PLEKHA7: variants seen among roughly 807,000 people sequenced by gnomAD.
The protein encoded by PLEKHA7 is pleckstrin homology domain containing A7, also known as pleckstrin homology domain-containing family A member 7.
In PLEKHA7, 104 loss-of-function variants were observed where a neutral mutation model predicts 170.0. The observed-to-expected ratio is 0.61, with a 90% CI of 0.52 to 0.72. The LOEUF (loss-of-function observed/expected upper bound fraction) is 0.72. PLEKHA7 is among the 30% of genes least tolerant of loss of function. The pLI, the probability that PLEKHA7 is intolerant of heterozygous loss-of-function variation, is 0.00. For missense variants in PLEKHA7, 1,615 were observed against 1,671.7 expected, an observed-to-expected ratio of 0.97 and a Z score of 0.59; for synonymous variants, 648 against 660.8, an observed-to-expected ratio of 0.98 and a Z score of 0.30.
rs1436017295 is a variant in PLEKHA7, at chr11:16,852,266, G to C, written c.595+17C>G. On this transcript the variant is annotated intron_variant, in intron 7 of 26. Transcript: ENST00000531066. ...ACTGAACACTTCGGCAGGGTAATAG[G>C]CTACTTGTTAGCTCACCTTTATAGT... 5.0e-6 allele frequency: 8 copies of C among 1,612,352 alleles called. No individual in the cohort carries two copies. The highest frequency in any genetic ancestry group is 4.4e-5 in the South Asian group (4 of 90,982).
At chr11:16,782,253 T>G (rs973612789) in intron 26 of PLEKHA7, among the ~76,000 whole-genome samples, 4 of 152,120 alleles carry the variant, frequency 2.6e-5, no homozygotes, top group African/African-American at 9.7e-5. Flanking sequence ...TCCTGTACTT[T>G]CTGGCACAGT....
At chr11:16,899,170 T>C (rs1024163856) in intron 3 of PLEKHA7, among the ~76,000 whole-genome samples, 2 of 152,170 alleles carry the variant, frequency 1.3e-5, no homozygotes, top group Admixed American at 6.5e-5. Flanking sequence ...TCAATGGGTT[T>C]TACTCTGGGG....
At chr11:16,873,898 C>A (rs548529307) in intron 3 of PLEKHA7, among the ~76,000 whole-genome samples, 2 of 152,226 alleles carry the variant, frequency 1.3e-5, no homozygotes, top group East Asian at 3.9e-4. Flanking sequence ...AACTCCTGAC[C>A]TCAGGTGATC....
Position 16,790,827 on chromosome 11 carries a change from T to C in PLEKHA7, c.3023A>G (p.Glu1008Gly). 1 of 1,609,324 alleles carries C rather than the reference T, an allele frequency of 6.2e-7. No individual in the cohort carries two copies. Among genetic ancestry groups the C allele is most frequent in the Non-Finnish European group, 8.5e-7 (1 of 1,178,082 alleles). The change falls in exon 21 of 27, where the codon GAG becomes GGG. Residue 1008 changes from glutamate (E) to glycine (G), a missense_variant. By Grantham distance (98) the Glu-to-Gly change is moderately conservative. Coordinates refer to ENST00000531066, the MANE Select transcript of PLEKHA7 (RefSeq NM_001329630.2). ...AQPSLGLVGP[E>G]SRYQTLPGRG... The stretch of plus-strand genomic sequence containing the variant: ...GCCTGGCAGCGTCTGGTACCTGCTC[T>C]CAGGGCCCACAAGTCCTAGGGAGGG...
Position 16,817,380 on chromosome 11 carries a change from G to T in PLEKHA7, c.1344-58C>A. On this transcript the variant is annotated intron_variant, in intron 10 of 26. Coordinates refer to ENST00000531066, the MANE Select transcript of PLEKHA7 (RefSeq NM_001329630.2). The surrounding 1 kb of genome is among the most constrained non-coding windows in gnomAD (Gnocchi z 4.4). ...CCAAGCGAGGGTTCTGCAGGCTTTG[G>T]GGAACATATCTAAGTAAACCCACAA... 1 of 1,502,666 alleles carries T rather than the reference G, an allele frequency of 6.7e-7. No homozygotes were observed. Among genetic ancestry groups the T allele is most frequent in the South Asian group, 1.2e-5 (1 of 80,830 alleles). 93.1% of individuals were successfully genotyped at this position (1,502,666 alleles called of 1,614,324 possible).
In PLEKHA7 at chr11:16,783,820, T is replaced by C; in HGVS notation, c.3530A>G (p.Glu1177Gly). The C allele has an allele frequency of 1.3e-6, 2 of 1,499,092 alleles. No homozygotes were observed. Among genetic ancestry groups the C allele is most frequent in the Non-Finnish European group, 1.8e-6 (2 of 1,128,946 alleles). 92.9% of individuals were successfully genotyped at this position (1,499,092 alleles called of 1,614,324 possible). ...GTAGCGCTCAGGGATTGACACCTTC[T>C]CTGGTTTGGACAGCTGGGGAGAGGC... ...LDISRELSKP[E>G]KVSIPERYVE... The change falls in exon 25 of 27, where the codon GAG (glutamate) becomes GGG (glycine). Residue 1177 changes from glutamate (E) to glycine (G), a missense_variant. Glu to Gly is a moderately conservative substitution (Grantham distance 98, BLOSUM62 -2). Transcript: ENST00000531066.
intron 13 of PLEKHA7, among the ~76,000 whole-genome samples, chr11:16,804,800 A>G (rs79729179): frequency 0.078 from 11,908 of 152,274 alleles, 622 homozygotes; most frequent in Non-Finnish European, 0.1. Context: ...AGACTGTCAG[A>G]TTATGTGTAC....
At chr11:16,995,149 C>T (rs929938543) in intron 3 of PLEKHA7, among the ~76,000 whole-genome samples, 5 of 152,208 alleles carry the variant, frequency 3.3e-5, no homozygotes, top group Admixed American at 1.3e-4. Flanking sequence ...GATGAGGAAA[C>T]AGGCTCCAGA....
At chr11:16,947,625 A>T (rs1861119105) in intron 3 of PLEKHA7, among the ~76,000 whole-genome samples, 3 of 151,106 alleles carry the variant, frequency 2.0e-5, no homozygotes, top group Non-Finnish European at 4.4e-5. Context: ...AGAAAGGAAA[A>T]GCAAATATGG....
rs886357304 is a variant in PLEKHA7, at chr11:16,789,366, G to T, written c.3157-70C>A. 13 of 1,447,462 alleles carry T rather than the reference G, an allele frequency of 9.0e-6. No homozygotes were observed. In the African/African-American group the frequency reaches 1.8e-4, roughly 20 times the overall value. 89.7% of individuals were successfully genotyped at this position (1,447,462 alleles called of 1,614,324 possible). On this transcript the variant is annotated intron_variant, in intron 22 of 26. Coordinates refer to ENST00000531066, the MANE Select transcript of PLEKHA7 (RefSeq NM_001329630.2). This position sits in a 1 kb window ranked among gnomAD's most constrained non-coding sequence, Gnocchi z 4.6. ...TGGGCACGCAGAGGACAGCCACCCT[G>T]CTGGCTGCATTCCCGTTGTCTCTCT...
chr11:16,966,162 G>A (rs1003907989), intron 3 of PLEKHA7, among the ~76,000 whole-genome samples: 3 of 152,076 alleles, frequency 2.0e-5, no homozygotes, highest in South Asian at 2.1e-4. Flanking sequence ...CAGCCTGGGC[G>A]ACAGAGCAAG....
At position 16,789,188 on chromosome 11, in the gene PLEKHA7, G is replaced by A. The variant is rs1420059941; in HGVS notation, c.3265C>T (p.Arg1089Ter). The A allele has an allele frequency of 4.3e-6, 7 of 1,612,922 alleles. No homozygotes were observed. Among genetic ancestry groups the A allele is most frequent in the Non-Finnish European group, 3.4e-6 (4 of 1,180,044 alleles). ...TGGCCCAGTGTCCTCTTGCGCTCTC[G>A]GACCAGGGCCTTCTGGTGTCGCTTC... ...RMKRHQKALV[R>*]ERKRTLGQGE... is the part of the protein sequence containing the mutation. The change falls in exon 23 of 27, where the codon CGA becomes TGA. Residue 1089 changes from arginine (R) to a stop codon, truncating the protein, a stop_gained. Coordinates refer to ENST00000531066, the MANE Select transcript of PLEKHA7 (RefSeq NM_001329630.2). LOFTEE classifies it high-confidence loss of function. The surrounding 1 kb of genome is among the most constrained non-coding windows in gnomAD (Gnocchi z 4.6).
chr11:16,906,609 G>A (rs553374667), intron 3 of PLEKHA7, among the ~76,000 whole-genome samples: 3 of 138,904 alleles, frequency 2.2e-5, no homozygotes, highest in South Asian at 4.7e-4. Flanking sequence ...AGACGGAGTC[G>A]CGTTCACTCA....
intron 3 of PLEKHA7, among the ~76,000 whole-genome samples, chr11:16,874,694 C>A (rs1855143847): frequency 6.6e-6 from 1 of 152,322 alleles, no homozygotes; most frequent in African/African-American, 2.4e-5. Flanking sequence ...AGCTGCCACT[C>A]CCTCTCATTC....
At position 16,835,077 on chromosome 11, in the gene PLEKHA7, C is replaced by T. The variant is rs192426247; in HGVS notation, c.872+6470G>A. Among the ~76,000 whole-genome samples the T allele has an allele frequency of 9.2e-5, 14 of 152,162 alleles. No individual in the cohort carries two copies. The East Asian group carries it at 2.7e-3, about 29-fold the overall frequency. On this transcript the variant is annotated intron_variant, in intron 9 of 26. Transcript: ENST00000531066. ...TTGAACCCAGGAGTTCGAGGCCAGCCTGGGCACCATGGTGAAACCTCATCT... is the reference window on the plus strand; with the variant it reads ...TTGAACCCAGGAGTTCGAGGCCAGCTTGGGCACCATGGTGAAACCTCATCT...
intron 3 of PLEKHA7, among the ~76,000 whole-genome samples, chr11:16,964,311 C>T (rs1862241537): frequency 1.3e-5 from 2 of 152,224 alleles, no homozygotes; most frequent in South Asian, 2.1e-4. Context: ...CTCCTGCTTT[C>T]AATTCCTTTG....
intron 3 of PLEKHA7, among the ~76,000 whole-genome samples, chr11:16,955,801 G>C (rs544040511): frequency 6.6e-6 from 1 of 152,104 alleles, no homozygotes; most frequent in Non-Finnish European, 1.5e-5. Context: ...ATTAAGGCAG[G>C]CTTAGTAAAA....
At chr11:16,961,995 G>A (rs966759501) in intron 3 of PLEKHA7, among the ~76,000 whole-genome samples, 1 of 152,192 alleles carries the variant, frequency 6.6e-6, no homozygotes, top group African/African-American at 2.4e-5. Context: ...CAGGTATAAA[G>A]CAGGAGCCTA....
chr11:16,851,154 A>T, intron 8 of PLEKHA7, 37 bp downstream of exon 8: 1 of 1,487,828 alleles, frequency 6.7e-7, no homozygotes, highest in Non-Finnish European at 9.1e-7. Flanking sequence ...ACAGTTTCTT[A>T]GACAGAATGG....
Sources: allele counts gnomAD v4.1 joint callset (sites outside exome capture counted in the v4.1 genomes callset), GRCh38; gene constraint gnomAD v4.1.1; non-coding constraint Gnocchi (gnomAD v3.1); transcripts MANE v1.5; gene names NCBI Gene and HGNC (gene_info 2026-07-23, HGNC 2026-07-21).